Variants in FIGN observed in about 807,000 individuals in gnomAD.
FIGN encodes the protein fidgetin, microtubule severing factor, also known as fidgetin.
Under a neutral mutation model 51.3 loss-of-function variants are expected in FIGN, and 11 were observed. The observed-to-expected ratio is 0.21, with a 90% confidence interval of 0.13 to 0.35. The LOEUF (loss-of-function observed/expected upper bound fraction) is 0.35. Among genes scored for constraint, FIGN ranks in the 10% least tolerant of loss-of-function variants. The pLI is 1.00. For synonymous variants in FIGN, 407 were observed against 363.2 expected, an observed-to-expected ratio of 1.12 and a Z score of -1.37; for missense variants, 857 against 943.6, an observed-to-expected ratio of 0.91 and a Z score of 1.20.
intron 2 of FIGN, among the ~76,000 whole-genome samples, chr2:163,685,372 T>G (rs1684131133): frequency 6.6e-6 from 1 of 152,200 alleles, no homozygotes; most frequent in Non-Finnish European, 1.5e-5. Flanking sequence ...CAAAACAACT[T>G]TCCAAGTTAC....
chr2:163,699,223 C>T (rs1274387356), intron 2 of FIGN, among the ~76,000 whole-genome samples: 1 of 152,038 alleles, frequency 6.6e-6, no homozygotes, highest in East Asian at 1.9e-4. Context: ...GTTGTTAGAA[C>T]AGAGAAAGGC....
At chr2:163,688,464 G>T (rs1018276725) in intron 2 of FIGN, among the ~76,000 whole-genome samples, 2 of 152,164 alleles carry the variant, frequency 1.3e-5, no homozygotes, top group African/African-American at 4.8e-5. Flanking sequence ...CTTAATATTG[G>T]CACTAGAAAA....
rs765442234 is a variant in FIGN, at chr2:163,611,241, A to G, written c.591T>C (p.Thr197=). 5.5e-5 allele frequency: 89 copies of G among 1,614,122 alleles called. No individual in the cohort carries two copies. The South Asian group carries it at 8.5e-4, about 15-fold the overall frequency. ...GTGCAGGTGCTGGCTGGCTACTATA[A>G]GTAGAATGCAAATATGATCCGTTGT... ...PGYNGSYLHS[T]YSSQPAPALP... is the part of the protein sequence containing the mutation. Residue 197 remains threonine (T), a synonymous_variant, in exon 3 of 3, where the codon ACT becomes ACC. Coordinates refer to ENST00000333129, the MANE Select transcript of FIGN (RefSeq NM_018086.4).
At chr2:163,661,730 G>A (rs553878084) in intron 2 of FIGN, among the ~76,000 whole-genome samples, 10 of 152,202 alleles carry the variant, frequency 6.6e-5, no homozygotes, top group African/African-American at 1.7e-4. Flanking sequence ...TGCTATTCCC[G>A]TGTTAGTGAA....
intron 2 of FIGN, among the ~76,000 whole-genome samples, chr2:163,720,978 ATAAATAAG>A (rs964837645): frequency 6.6e-6 from 1 of 152,168 alleles, no homozygotes; most frequent in Non-Finnish European, 1.5e-5. Flanking sequence ...GTCAAAATAA[ATAAATAAG>A]TAAATAAAAA....
intron 2 of FIGN, among the ~76,000 whole-genome samples, chr2:163,625,118 C>T (rs1225340451): frequency 6.6e-6 from 1 of 151,964 alleles, no homozygotes; most frequent in East Asian, 1.9e-4. Context: ...GACTTGTTAA[C>T]AAATGGTAAC....
chr2:163,652,320 T>C (rs1252530973), intron 2 of FIGN, among the ~76,000 whole-genome samples: 1 of 146,914 alleles, frequency 6.8e-6, no homozygotes, highest in Non-Finnish European at 1.5e-5. Context: ...GAGAGGAAGA[T>C]GACAGGACCA....
At chr2:163,664,406 C>T (rs927540380) in intron 2 of FIGN, among the ~76,000 whole-genome samples, 2 of 152,020 alleles carry the variant, frequency 1.3e-5, no homozygotes, top group African/African-American at 4.8e-5. Flanking sequence ...ATCTAAGATT[C>T]TTATTGTTTA....
chr2:163,680,124 T>G (rs527339440), intron 2 of FIGN, among the ~76,000 whole-genome samples: 5 of 152,334 alleles, frequency 3.3e-5, no homozygotes, highest in African/African-American at 1.2e-4. Flanking sequence ...CAAGAACATT[T>G]TTCTAAAATG....
intron 2 of FIGN, among the ~76,000 whole-genome samples, chr2:163,631,619 C>T (rs1025361111): frequency 2.0e-5 from 3 of 152,042 alleles, no homozygotes; most frequent in Non-Finnish European, 2.9e-5. Flanking sequence ...CACCATTTTC[C>T]GTATCACTTT....
At chr2:163,648,588 A>G (rs563043470) in intron 2 of FIGN, among the ~76,000 whole-genome samples, 36 of 152,324 alleles carry the variant, frequency 2.4e-4, no homozygotes, top group Admixed American at 9.8e-4. Context: ...TTTTCTAGAA[A>G]GATTCTCAGA....
chr2:163,624,459 C>T (rs1683024050), intron 2 of FIGN, among the ~76,000 whole-genome samples: 2 of 151,058 alleles, frequency 1.3e-5, no homozygotes, highest in East Asian at 3.9e-4. Context: ...CAAAAGGTGA[C>T]CTTATTTAGA....
chr2:163,697,008 G>A (rs1684330866), intron 2 of FIGN, among the ~76,000 whole-genome samples: 1 of 151,224 alleles, frequency 6.6e-6, no homozygotes, highest in African/African-American at 2.4e-5. Flanking sequence ...TAGATACAGA[G>A]GATTAACAGA....
chr2:163,691,708 A>G (rs1684242549), intron 2 of FIGN, among the ~76,000 whole-genome samples: 1 of 152,192 alleles, frequency 6.6e-6, no homozygotes, highest in Non-Finnish European at 1.5e-5. Flanking sequence ...AAAATGGATT[A>G]GTGGCAATCA....
intron 2 of FIGN, among the ~76,000 whole-genome samples, chr2:163,616,115 T>C (rs558304650): frequency 6.6e-6 from 1 of 152,166 alleles, no homozygotes; most frequent in Non-Finnish European, 1.5e-5. Flanking sequence ...CGGATAACAT[T>C]TGCCATTCTT....
intron 2 of FIGN, among the ~76,000 whole-genome samples, chr2:163,642,255 C>T (rs1683316895): frequency 6.6e-6 from 1 of 152,208 alleles, no homozygotes. Flanking sequence ...TGATGCTAAC[C>T]ACTAGCACCC....
chr2:163,657,541 T>C (rs1445788938), intron 2 of FIGN, among the ~76,000 whole-genome samples: 4 of 148,212 alleles, frequency 2.7e-5, no homozygotes, highest in Non-Finnish European at 6.0e-5. Flanking sequence ...TGCATGCACA[T>C]GAGTATGTTT....
At chr2:163,700,786 T>C (rs1356758710) in intron 2 of FIGN, among the ~76,000 whole-genome samples, 1 of 152,142 alleles carries the variant, frequency 6.6e-6, no homozygotes, top group Admixed American at 6.6e-5. Context: ...AAACTACTGA[T>C]GGCTTTTCCT....
chr2:163,672,536 G>C (rs753423350), intron 2 of FIGN, among the ~76,000 whole-genome samples: 1 of 152,136 alleles, frequency 6.6e-6, no homozygotes, highest in Non-Finnish European at 1.5e-5. Flanking sequence ...GCACACAATA[G>C]GTGCTTCACA....
Sources: allele counts gnomAD v4.1 joint callset (sites outside exome capture counted in the v4.1 genomes callset), GRCh38; gene constraint gnomAD v4.1.1; transcripts MANE v1.5; gene names NCBI Gene and HGNC (gene_info 2026-07-23, HGNC 2026-07-21).